The following RERE variants were observed in gnomAD, a reference collection of about 807,000 sequenced individuals.
The protein encoded by RERE is arginine-glutamic acid dipeptide repeats protein.
A neutral mutation model predicts 146.1 loss-of-function variants in RERE; 40 were observed. That is an observed-to-expected ratio of 0.27 (90% CI 0.21 to 0.36). RERE has a LOEUF of 0.36. RERE is among the 10% of genes least tolerant of loss of function. The pLI is 1.00. For synonymous variants in RERE, 1,003 were observed against 866.0 expected, an observed-to-expected ratio of 1.16 and a Z score of -2.78; for missense variants, 1,933 against 2,138.7, an observed-to-expected ratio of 0.90 and a Z score of 1.90.
intron 1 of RERE, among the ~76,000 whole-genome samples, chr1:8,738,993 GCT>G (rs1210796796): frequency 3.9e-5 from 6 of 152,030 alleles, no homozygotes; most frequent in Non-Finnish European, 1.5e-5. Context: ...CCCCAAATAT[GCT>G]CTCTCTTTAT....
chr1:8,466,236 C>A (rs1249285529), intron 10 of RERE, among the ~76,000 whole-genome samples: 1 of 152,092 alleles, frequency 6.6e-6, no homozygotes, highest in Non-Finnish European at 1.5e-5. Context: ...GGGAGGCAGG[C>A]AAGGCAGAAA....
At chr1:8,573,462 C>T (rs1646248971) in intron 4 of RERE, among the ~76,000 whole-genome samples, 1 of 152,154 alleles carries the variant, frequency 6.6e-6, no homozygotes, top group Non-Finnish European at 1.5e-5. Context: ...TTACATGATC[C>T]ATCCACGCCC....
At chr1:8,599,322 T>G (rs527679538) in intron 4 of RERE, among the ~76,000 whole-genome samples, 1 of 152,220 alleles carries the variant, frequency 6.6e-6, no homozygotes, top group Non-Finnish European at 1.5e-5. Flanking sequence ...GCCAACTTCT[T>G]GTATAACTTC....
At chr1:8,773,676 T>C (rs1408295182) in intron 1 of RERE, among the ~76,000 whole-genome samples, 2 of 151,972 alleles carry the variant, frequency 1.3e-5, no homozygotes, top group African/African-American at 4.8e-5. Context: ...ACACAAAAAT[T>C]AGCCGGGCGT....
intron 3 of RERE, among the ~76,000 whole-genome samples, chr1:8,622,851 T>C (rs1332598820): frequency 6.6e-6 from 1 of 152,084 alleles, no homozygotes; most frequent in Non-Finnish European, 1.5e-5. Flanking sequence ...ACAAAGGAGA[T>C]GCAGAGAAAG....
intron 11 of RERE, among the ~76,000 whole-genome samples, chr1:8,455,125 G>A (rs1405213735): frequency 3.9e-5 from 6 of 152,206 alleles, no homozygotes; most frequent in African/African-American, 1.4e-4. Flanking sequence ...AGACAGCAGA[G>A]CCAGGAGGGA....
chr1:8,609,697 A>G (rs1188047939), intron 4 of RERE, among the ~76,000 whole-genome samples: 3 of 152,230 alleles, frequency 2.0e-5, no homozygotes, highest in Non-Finnish European at 4.4e-5. Context: ...AACAAACGTA[A>G]TACAATCAGC....
At chr1:8,379,025 G>A (rs1223538476) in intron 12 of RERE, among the ~76,000 whole-genome samples, 1 of 152,176 alleles carries the variant, frequency 6.6e-6, no homozygotes, top group Non-Finnish European at 1.5e-5. Flanking sequence ...GCTCTAAAGG[G>A]CAAATGCCAC....
intron 4 of RERE, among the ~76,000 whole-genome samples, chr1:8,575,482 G>T (rs1348777317): frequency 7.0e-6 from 1 of 142,676 alleles, no homozygotes; most frequent in Non-Finnish European, 1.5e-5. Context: ...CCCACTCTCA[G>T]ACTCCCAAGT....
chr1:8,485,911 G>A (rs986979638), intron 10 of RERE, among the ~76,000 whole-genome samples: 2 of 149,860 alleles, frequency 1.3e-5, no homozygotes, highest in South Asian at 4.2e-4. Flanking sequence ...CAATTCTCCT[G>A]CCTCAGGCTC....
At chr1:8,477,580 G>A (rs544722606) in intron 10 of RERE, among the ~76,000 whole-genome samples, 25 of 152,350 alleles carry the variant, frequency 1.6e-4, no homozygotes, top group African/African-American at 5.1e-4. Flanking sequence ...AGCATCTCAC[G>A]TAGGCACTAG....
intron 1 of RERE, among the ~76,000 whole-genome samples, chr1:8,789,481 TG>T (rs1442370146): frequency 6.6e-6 from 1 of 151,382 alleles, no homozygotes; most frequent in East Asian, 1.9e-4. Context: ...GTCACACAGA[TG>T]CACACATAAC....
chr1:8,573,231 CGAACCTAAAGAAGCTGCCTGTG>C (rs1357301110), intron 4 of RERE, among the ~76,000 whole-genome samples: 2 of 152,228 alleles, frequency 1.3e-5, no homozygotes, highest in East Asian at 3.9e-4. Flanking sequence ...AAAACATTAT[CGAACCTAAAGAAGCTGCCTGTG>C]GAACCTGCCT....
At chr1:8,801,882 G>A (rs2124591775) in intron 1 of RERE, among the ~76,000 whole-genome samples, 1 of 152,268 alleles carries the variant, frequency 6.6e-6, no homozygotes, top group African/African-American at 2.4e-5. Flanking sequence ...GTCCATCAAT[G>A]GGAAAAGTGA....
chr1:8,624,313 T>C lies in RERE; in HGVS notation c.393A>G (p.Lys131=). ...PYFICSIQDF[K]LVHNSQACCR... is the part of the protein sequence containing the mutation. ...ACAGCACATTAAAAACGCTTACCAG[T>C]TTGAAGTCTTGAATGCTACAGATGA... Residue 131 remains lysine (K), a synonymous_variant, in exon 3 of 23, where the codon AAA becomes AAG. Coordinates refer to ENST00000400908, the MANE Select transcript of RERE (RefSeq NM_001042681.2). 6.2e-7 allele frequency: 1 copy of C among 1,608,336 alleles called. No homozygotes were observed. The highest frequency in any genetic ancestry group is 8.5e-7 in the Non-Finnish European group (1 of 1,176,636).
chr1:8,359,558 T>C (rs1001332553), intron 19 of RERE, among the ~76,000 whole-genome samples: 2 of 152,214 alleles, frequency 1.3e-5, no homozygotes, highest in African/African-American at 2.4e-5. Context: ...GGAGTCAGCC[T>C]AGACCTGCCA....
In RERE at chr1:8,497,494, TGGA is replaced by T. The variant is rs1304029661; in HGVS notation, c.912_914del (p.Pro305del). 1 of 1,614,128 alleles carries T rather than the reference TGGA, an allele frequency of 6.2e-7. No homozygotes were observed. The highest frequency in any genetic ancestry group is 8.5e-7 in the Non-Finnish European group (1 of 1,180,006). ...CATGTTGGGTCACTGTATCACCATC[TGGA>T]GAAGGAAATGGTTGCAGATCTGGAA... On this transcript the variant is annotated inframe_deletion, in exon 9 of 23. Coordinates refer to ENST00000400908, the MANE Select transcript of RERE (RefSeq NM_001042681.2).
Position 8,358,314 on chromosome 1 carries a change from T to C in RERE, c.4221A>G (p.Ala1407=), listed in dbSNP as rs530044762. Residue 1407 remains alanine, a synonymous_variant, in exon 20 of 23, where the codon GCA becomes GCG. Transcript: ENST00000400908. ...AAERIHAERM[A]SLTSDPLARL... Reference sequence around the variant, plus strand: ...GGGCCAGGGGATCGCTGGTCAGCGATGCCATGCGCTCTGCGTGGATACGCT... The same window carrying C: ...GGGCCAGGGGATCGCTGGTCAGCGACGCCATGCGCTCTGCGTGGATACGCT... 1.6e-5 allele frequency: 26 copies of C among 1,613,544 alleles called. 1 individual carries two copies. The African/African-American group carries it at 2.5e-4, about 16-fold the overall frequency.
intron 10 of RERE, among the ~76,000 whole-genome samples, chr1:8,468,701 T>C (rs6682821): frequency 0.012 from 1,806 of 152,006 alleles, 34 homozygotes; most frequent in African/African-American, 0.041. Context: ...CTGGGCAACA[T>C]AGTGAGACCT....
Sources: allele counts gnomAD v4.1 joint callset (sites outside exome capture counted in the v4.1 genomes callset), GRCh38; gene constraint gnomAD v4.1.1; transcripts MANE v1.5; gene names NCBI Gene and HGNC (gene_info 2026-07-23, HGNC 2026-07-21).